The following ESR2 variants were observed in gnomAD, a reference collection of about 807,000 sequenced individuals.
ESR2 encodes estrogen receptor 2, also known as estrogen receptor beta.
A neutral mutation model predicts 49.6 loss-of-function variants in ESR2; 36 were observed. The observed-to-expected ratio is 0.73, with a 90% CI of 0.56 to 0.96. The LOEUF (loss-of-function observed/expected upper bound fraction) is 0.96, where lower values mean the gene tolerates loss of function less well. ESR2 is among the 40% of genes least tolerant of loss of function. ESR2 has a pLI of 0.00. For synonymous variants in ESR2, 320 were observed against 266.1 expected, an observed-to-expected ratio of 1.20 and a Z score of -1.97; for missense variants, 714 against 693.0, an observed-to-expected ratio of 1.03 and a Z score of -0.34.
chr14:64,338,385 A>G (rs1300518387), upstream of ESR2: 1 of 154,964 alleles, frequency 6.5e-6, no homozygotes, highest in Non-Finnish European at 1.5e-5. Flanking sequence ...GGCACTCCAG[A>G]GCAGAACGCG....
Position 64,257,263 on chromosome 14 carries a change from C to T in ESR2, c.1054G>A (p.Gly352Ser), listed in dbSNP as rs368060197. The stretch of plus-strand genomic sequence containing the variant: ...AGATCTGGAGCAAAGATGAGCTTGC[C>T]GGGGTGGTCAATTGAGCGCCACATC... ...GLMWRSIDHP[G>S]KLIFAPDLVL... The change falls in exon 6 of 9, where the codon GGC becomes AGC. Residue 352 changes from glycine (G) to serine (S), a missense_variant. Gly to Ser is a moderately conservative substitution (Grantham distance 56, BLOSUM62 0). Coordinates refer to ENST00000341099, the MANE Select transcript of ESR2 (RefSeq NM_001437.3). The T allele has an allele frequency of 4.8e-5, 78 of 1,614,120 alleles. No individual in the cohort carries two copies. The highest frequency in any genetic ancestry group is 3.2e-4 in the African/African-American group (24 of 75,048).
At chr14:64,227,497 A>G (rs201485281), downstream of ESR2, 9 of 1,608,762 alleles carry the variant, frequency 5.6e-6, no homozygotes, top group East Asian at 2.0e-4. Context: ...AATGTTACCC[A>G]AGATTTTTCT....
intron 6 of ESR2, 88 bp from the exon 7 acceptor site, chr14:64,249,767 G>A (rs570993195): frequency 7.5e-7 from 1 of 1,335,960 alleles, no homozygotes; most frequent in Non-Finnish European, 1.0e-6. Flanking sequence ...TTAATCTCAA[G>A]TTTCATCTTG....
At chr14:64,236,471 A>G (rs2075601591) in intron 7 of ESR2, among the ~76,000 whole-genome samples, 1 of 152,044 alleles carries the variant, frequency 6.6e-6, no homozygotes, top group South Asian at 2.1e-4. Flanking sequence ...CAAAAAGCAG[A>G]TCTGCTCATG....
intron 1 of ESR2, among the ~76,000 whole-genome samples, chr14:64,309,584 G>A (rs899676312): frequency 7.6e-6 from 1 of 131,054 alleles, no homozygotes; most frequent in Non-Finnish European, 1.6e-5. Context: ...ACAACCCTGG[G>A]CAACAAGAGT....
At chr14:64,262,153 G>A (rs2076237778) in intron 4 of ESR2, among the ~76,000 whole-genome samples, 3 of 146,756 alleles carry the variant, frequency 2.0e-5, no homozygotes, top group East Asian at 2.0e-4. Flanking sequence ...CTGTCACCCA[G>A]GCTGAAGTAT....
At chr14:64,244,527 CT>C (rs2075809124) in intron 7 of ESR2, among the ~76,000 whole-genome samples, 2 of 152,176 alleles carry the variant, frequency 1.3e-5, no homozygotes, top group Admixed American at 1.3e-4. Flanking sequence ...AGAATTCTCT[CT>C]CTCGGAGCTG....
intron 6 of ESR2, among the ~76,000 whole-genome samples, chr14:64,254,779 A>AG (rs1405534549): frequency 6.6e-6 from 1 of 151,548 alleles, no homozygotes; most frequent in Non-Finnish European, 1.5e-5. Context: ...ACAAACAAAC[A>AG]AAAACTACTA....
At chr14:64,238,070 A>C (rs1382220351) in intron 7 of ESR2, among the ~76,000 whole-genome samples, 1 of 152,240 alleles carries the variant, frequency 6.6e-6, no homozygotes, top group Non-Finnish European at 1.5e-5. Context: ...TAAAAATAAT[A>C]GTAATAATAA....
chr14:64,296,127 T>C (rs1181824059), upstream of ESR2, among the ~76,000 whole-genome samples: 1 of 150,514 alleles, frequency 6.6e-6, no homozygotes, highest in African/African-American at 2.5e-5. Context: ...GAAACCGTCA[T>C]GAAGGAATTT....
rs568502935 is a variant in ESR2, at chr14:64,230,595, C to T, written c.*2542G>A. Among the ~76,000 whole-genome samples the T allele has an allele frequency of 5.9e-5, 9 of 152,046 alleles. No homozygotes were observed. Among genetic ancestry groups the T allele is most frequent in the Admixed American group, 1.3e-4 (2 of 15,266 alleles). On this transcript the variant is annotated 3_prime_UTR_variant, in exon 9 of 9. Transcript: ENST00000341099. Reference sequence around the variant, plus strand: ...GGCTGACAGCTTTGTCTTGTGTTCCCGCCTTAATTTTTTGAGAAAAATCCC... The same window carrying T: ...GGCTGACAGCTTTGTCTTGTGTTCCTGCCTTAATTTTTTGAGAAAAATCCC...
chr14:64,322,251 G>T (rs1454304735), intron 1 of ESR2, among the ~76,000 whole-genome samples: 1 of 152,098 alleles, frequency 6.6e-6, no homozygotes, highest in Admixed American at 6.6e-5. Flanking sequence ...TAGAGACAGG[G>T]TTTTGCCATC....
At chr14:64,331,386 A>C (rs2077455913) in intron 1 of ESR2, among the ~76,000 whole-genome samples, 1 of 152,222 alleles carries the variant, frequency 6.6e-6, no homozygotes, top group Non-Finnish European at 1.5e-5. Context: ...AAACAGACAA[A>C]TCCTTAATCA....
downstream of ESR2, chr14:64,227,849 A>C: frequency 6.3e-7 from 1 of 1,589,756 alleles, no homozygotes; most frequent in Non-Finnish European, 8.5e-7. Context: ...CAAATCTTTC[A>C]TTGCCCACAT....
At chr14:64,324,840 A>T (rs2140899441) in intron 1 of ESR2, among the ~76,000 whole-genome samples, 1 of 152,378 alleles carries the variant, frequency 6.6e-6, no homozygotes, top group South Asian at 2.1e-4. Context: ...AAAGAAGTGG[A>T]TCTGATACAC....
intron 4 of ESR2, among the ~76,000 whole-genome samples, chr14:64,262,361 T>G (rs2076241356): frequency 6.6e-6 from 1 of 152,030 alleles, no homozygotes; most frequent in Non-Finnish European, 1.5e-5. Context: ...GTGATCCTCC[T>G]GCCTTGGCCT....
At chr14:64,300,636 G>C (rs952265165) in intron 1 of ESR2, among the ~76,000 whole-genome samples, 3 of 152,010 alleles carry the variant, frequency 2.0e-5, no homozygotes, top group Non-Finnish European at 4.4e-5. Context: ...GGCACCTGTA[G>C]TCCCAGCTAC....
At chr14:64,307,523 T>TTTTTG (rs1396284922) in intron 1 of ESR2, among the ~76,000 whole-genome samples, 28 of 150,092 alleles carry the variant, frequency 1.9e-4, no homozygotes, top group Non-Finnish European at 2.8e-4. Flanking sequence ...TTTAACCTGT[T>TTTTTG]TTTTGTTTTG....
intron 7 of ESR2, among the ~76,000 whole-genome samples, chr14:64,241,145 CAAAA>C (rs56347632): frequency 3.6e-4 from 34 of 95,398 alleles, no homozygotes; most frequent in African/African-American, 1.1e-3. Context: ...GACTCCGTCT[CAAAA>C]AAAAAAAAAA....
Sources: gnomAD v4.1 joint callset for allele counts (sites outside exome capture counted in the v4.1 genomes callset) on GRCh38, gnomAD v4.1.1 for gene constraint, MANE v1.5 for transcripts, NCBI Gene and HGNC (gene_info 2026-07-23, HGNC 2026-07-21) for gene names.